C1GALT1: variants seen among roughly 807,000 people sequenced by gnomAD.
The protein encoded by C1GALT1 is glycoprotein-N-acetylgalactosamine 3-beta-galactosyltransferase 1.
Under a neutral mutation model 31.0 loss-of-function variants are expected in C1GALT1, and 11 were observed. The ratio of observed to expected loss-of-function variants is 0.36; its 90% CI spans 0.22 to 0.59. The LOEUF is 0.59. Among genes scored for constraint, C1GALT1 ranks in the 20% least tolerant of loss-of-function variants. C1GALT1 has a pLI of 0.79. For missense variants in C1GALT1, 424 were observed against 425.2 expected, an observed-to-expected ratio of 1.00 and a Z score of 0.03; for synonymous variants, 175 against 143.6, an observed-to-expected ratio of 1.22 and a Z score of -1.56.
At chr7:7,172,103 A>T (rs1780459643) in intron 2 of C1GALT1, among the ~76,000 whole-genome samples, 1 of 152,140 alleles carries the variant, frequency 6.6e-6, no homozygotes, top group Non-Finnish European at 1.5e-5. Context: ...TTTCATTTCA[A>T]CTTGAAAGAC....
intron 1 of C1GALT1, among the ~76,000 whole-genome samples, chr7:7,213,632 T>C (rs902331895): frequency 1.3e-5 from 2 of 152,178 alleles, no homozygotes; most frequent in Admixed American, 1.3e-4. Flanking sequence ...CAAAAATCTT[T>C]CATTAGCCTT....
chr7:7,229,491 C>G (rs905936388), intron 1 of C1GALT1, among the ~76,000 whole-genome samples: 1 of 152,168 alleles, frequency 6.6e-6, no homozygotes, highest in Non-Finnish European at 1.5e-5. Context: ...TATCACATAC[C>G]TCTATTGTAG....
intron 1 of C1GALT1, among the ~76,000 whole-genome samples, chr7:7,229,923 A>C (rs773933336): frequency 1.3e-5 from 2 of 152,202 alleles, no homozygotes; most frequent in Non-Finnish European, 1.5e-5. Flanking sequence ...ACCTTTCTGA[A>C]CTTGAAGGTA....
rs1253830203 is a variant in C1GALT1, at chr7:7,245,310, G to C, written c.*1583G>C. 6.6e-6 allele frequency: 1 copy of C among 152,246 alleles called. No individual in the cohort carries two copies. Among genetic ancestry groups the C allele is most frequent in the Non-Finnish European group, 1.5e-5 (1 of 68,114 alleles). 9.4% of individuals were successfully genotyped at this position (152,246 alleles called of 1,614,324 possible). A position where few individuals can be genotyped will look rare whatever the true frequency, so the allele number is the denominator to read the frequency against. On this transcript the variant is annotated 3_prime_UTR_variant, in exon 4 of 4. Transcript: ENST00000436587. ...CTCCTGCCTCAGCCTCCCGAGTAGCGGGGATTACAGGCACGCGCTGCCACG... is the reference window on the plus strand; with the variant it reads ...CTCCTGCCTCAGCCTCCCGAGTAGCCGGGATTACAGGCACGCGCTGCCACG...
intron 1 of C1GALT1, chr7:7,183,595 G>A (rs1780686632): frequency 1.0e-6 from 1 of 984,862 alleles, no homozygotes. Context: ...TTGAATTTGG[G>A]TAAGTCGTAC....
At chr7:7,236,427 A>C (rs1264146873) in intron 2 of C1GALT1, among the ~76,000 whole-genome samples, 1 of 152,136 alleles carries the variant, frequency 6.6e-6, no homozygotes. Flanking sequence ...CAAGGATATG[A>C]GATGTCTATG....
At chr7:7,188,606 C>G (rs539781003) in intron 1 of C1GALT1, among the ~76,000 whole-genome samples, 1 of 152,046 alleles carries the variant, frequency 6.6e-6, no homozygotes, top group Non-Finnish European at 1.5e-5. Context: ...AAAAATTTGT[C>G]CTTCCTTGCT....
At chr7:7,228,972 T>C (rs1029253782) in intron 1 of C1GALT1, among the ~76,000 whole-genome samples, 1 of 147,316 alleles carries the variant, frequency 6.8e-6, no homozygotes, top group African/African-American at 2.4e-5. Flanking sequence ...CAGCATGTCC[T>C]TGGAATATGA....
At position 7,244,833 on chromosome 7, in the gene C1GALT1, T is replaced by C. The variant is rs558447297; in HGVS notation, c.*1106T>C. 2.6e-4 allele frequency: 40 copies of C among 152,278 alleles called. No homozygotes were observed. Among genetic ancestry groups the C allele is most frequent in the African/African-American group, 8.9e-4 (37 of 41,576 alleles). 9.4% of individuals were successfully genotyped at this position (152,278 alleles called of 1,614,324 possible). A position where few individuals can be genotyped will look rare whatever the true frequency, so the allele number is the denominator to read the frequency against. On this transcript the variant is annotated 3_prime_UTR_variant, in exon 4 of 4. Transcript: ENST00000436587. ...AGATTTTGATGAGAATTAAAAACAA[T>C]AGAAAATGTAGAGTGCTTAAACAAA... is the stretch of plus-strand genomic sequence containing the variant.
intron 1 of C1GALT1, among the ~76,000 whole-genome samples, chr7:7,184,569 C>T (rs965120682): frequency 3.9e-5 from 6 of 152,272 alleles, no homozygotes; most frequent in Admixed American, 6.5e-5. Context: ...TAGGCACATG[C>T]TACTATTTGT....
At chr7:7,178,151 A>C (rs951042727), upstream of C1GALT1, 1 of 204,076 alleles carries the variant, frequency 4.9e-6, no homozygotes, top group African/African-American at 2.3e-5. Flanking sequence ...GAGGGCTTTG[A>C]GAGAATTTAG....
chr7:7,164,653 C>G (rs923304485), intron 2 of C1GALT1, among the ~76,000 whole-genome samples: 3 of 152,146 alleles, frequency 2.0e-5, no homozygotes, highest in African/African-American at 7.2e-5. Flanking sequence ...CGACGAGGAA[C>G]TCTGAAGGTG....
intron 1 of C1GALT1, among the ~76,000 whole-genome samples, 180 bp downstream of exon 1, chr7:7,183,000 G>A (rs999746763): frequency 6.6e-6 from 1 of 152,112 alleles, no homozygotes; most frequent in Non-Finnish European, 1.5e-5. Flanking sequence ...GAAGGCGCGA[G>A]GACTTCCCGC....
At chr7:7,208,641 T>C (rs1178295651) in intron 1 of C1GALT1, among the ~76,000 whole-genome samples, 1 of 152,158 alleles carries the variant, frequency 6.6e-6, no homozygotes, top group Non-Finnish European at 1.5e-5. Flanking sequence ...CTTGCATCAG[T>C]GGGTGGAGGT....
chr7:7,187,658 C>G (rs1321437023), intron 1 of C1GALT1, among the ~76,000 whole-genome samples: 1 of 152,066 alleles, frequency 6.6e-6, no homozygotes, highest in Non-Finnish European at 1.5e-5. Flanking sequence ...TTATCCAGCT[C>G]TTAATGTCAG....
chr7:7,188,310 C>T (rs1002293184), intron 1 of C1GALT1, among the ~76,000 whole-genome samples: 2 of 151,970 alleles, frequency 1.3e-5, no homozygotes, highest in African/African-American at 4.8e-5. Flanking sequence ...GTAAAATGAG[C>T]AGAGGAAAGT....
chr7:7,166,119 G>T (rs1034830024), intron 2 of C1GALT1, among the ~76,000 whole-genome samples: 1 of 152,082 alleles, frequency 6.6e-6, no homozygotes, highest in Non-Finnish European at 1.5e-5. Context: ...TGAAAAAAAC[G>T]TATATTACTG....
chr7:7,171,275 G>A (rs1321492394), intron 2 of C1GALT1, among the ~76,000 whole-genome samples: 1 of 151,852 alleles, frequency 6.6e-6, no homozygotes, highest in Non-Finnish European at 1.5e-5. Flanking sequence ...AACATTTTGG[G>A]TCTCTGTTGT....
At chr7:7,174,830 T>C (rs1322266670) in intron 2 of C1GALT1, among the ~76,000 whole-genome samples, 1 of 152,146 alleles carries the variant, frequency 6.6e-6, no homozygotes, top group Non-Finnish European at 1.5e-5. Flanking sequence ...ATTCTCATCT[T>C]GTTCATACAT....
Sources: allele counts gnomAD v4.1 joint callset (sites outside exome capture counted in the v4.1 genomes callset), GRCh38; gene constraint gnomAD v4.1.1; transcripts MANE v1.5; gene names NCBI Gene and HGNC (gene_info 2026-07-23, HGNC 2026-07-21).